Variants in TNFRSF8 observed in about 807,000 individuals in gnomAD.
The protein encoded by TNFRSF8 is TNF receptor superfamily member 8.
A neutral mutation model predicts 70.8 loss-of-function variants in TNFRSF8; 26 were observed. The ratio of observed to expected loss-of-function variants is 0.37; its 90% confidence interval spans 0.27 to 0.51. The LOEUF (loss-of-function observed/expected upper bound fraction) is 0.51. Ranked by LOEUF, TNFRSF8 falls within the 20% of genes least tolerant of loss-of-function variation. TNFRSF8 has a pLI of 0.94. For missense variants in TNFRSF8, 720 were observed against 807.9 expected, an observed-to-expected ratio of 0.89 and a Z score of 1.32; for synonymous variants, 356 against 339.2, an observed-to-expected ratio of 1.05 and a Z score of -0.54.
Position 12,138,319 on chromosome 1 carries a change from G to A in TNFRSF8, c.1426G>A (p.Gly476Arg). The A allele has an allele frequency of 1.2e-6, 2 of 1,613,762 alleles. No homozygotes were observed. Among genetic ancestry groups the A allele is most frequent in the East Asian group, 2.2e-5 (1 of 44,862 alleles). ...ACTGATGGAGACCTGCCACAGCGTG[G>A]GGGCAGCCTACCTGGAGAGCCTGCC... ...QPLMETCHSVGAAYLESLPLQ... is the reference protein window; with the variant it reads ...QPLMETCHSVRAAYLESLPLQ... Residue 476 changes from glycine (G) to arginine (R), a missense_variant, in exon 14 of 15, where the codon GGG (glycine) becomes AGG (arginine). Gly to Arg is a moderately radical substitution (Grantham distance 125). Coordinates refer to ENST00000263932, the MANE Select transcript of TNFRSF8 (RefSeq NM_001243.5). The surrounding 1 kb of genome is among the most constrained non-coding windows in gnomAD (Gnocchi z 5.7).
In TNFRSF8 at chr1:12,082,549, CA is replaced by C. The variant is rs34818321; in HGVS notation, c.64-1901del. ...TGGGCAACAGAGTGAGACCCTGTCT[CA>C]AAAAAAAAAAAAACAAAAACAAAAC... On this transcript the variant is annotated intron_variant, in intron 1 of 14. Coordinates refer to ENST00000263932, the MANE Select transcript of TNFRSF8 (RefSeq NM_001243.5). Among the ~76,000 whole-genome samples the C allele has an allele frequency of 3.1e-3, 375 of 121,246 alleles. 2 individuals are homozygous for C. The highest frequency in any genetic ancestry group is 8.3e-3 in the African/African-American group (274 of 33,050). 79.5% of individuals were successfully genotyped at this position (121,246 alleles called of 152,430 possible).
chr1:12,077,209 C>A (rs1640981124), intron 1 of TNFRSF8, among the ~76,000 whole-genome samples: 1 of 152,208 alleles, frequency 6.6e-6, no homozygotes. Context: ...TAAGTGCGAG[C>A]CACTTCGCCT....
rs555002417 is a variant in TNFRSF8, at chr1:12,068,276, C to A, written c.63+4615C>A. Among the ~76,000 whole-genome samples, 3 of 152,312 alleles carry A rather than the reference C, an allele frequency of 2.0e-5. No individual in the cohort carries two copies. In the South Asian group the frequency reaches 6.2e-4, roughly 32 times the overall value. On this transcript the variant is annotated intron_variant, in intron 1 of 14. Coordinates refer to ENST00000263932, the MANE Select transcript of TNFRSF8 (RefSeq NM_001243.5). ...GGCAATGACAGTAGATCAGCCCAGC[C>A]TGGGCCAGCTTGTCCAGCCGGTGCA... is the stretch of plus-strand genomic sequence containing the variant.
intron 2 of TNFRSF8, among the ~76,000 whole-genome samples, chr1:12,087,356 T>C (rs1408326842): frequency 6.6e-6 from 1 of 151,860 alleles, no homozygotes; most frequent in Non-Finnish European, 1.5e-5. Context: ...TTAGTAGAGA[T>C]GGGGTTTCAC....
intron 2 of TNFRSF8, among the ~76,000 whole-genome samples, 188 bp from the exon 3 acceptor site, chr1:12,096,913 G>A (rs191495289): frequency 5.9e-5 from 9 of 152,346 alleles, no homozygotes; most frequent in Admixed American, 2.6e-4. Context: ...CCTGCTAGGG[G>A]ACCTTAGGCG....
intron 3 of TNFRSF8, among the ~76,000 whole-genome samples, 192 bp from the exon 4 acceptor site, chr1:12,104,187 A>AT (rs1351111389): frequency 3.3e-5 from 5 of 151,194 alleles, no homozygotes; most frequent in South Asian, 2.1e-4. Flanking sequence ...TCTTTTTTTT[A>AT]TTTTTTTGCA....
intron 6 of TNFRSF8, among the ~76,000 whole-genome samples, chr1:12,111,221 G>A (rs1180723329): frequency 2.0e-5 from 3 of 151,820 alleles, no homozygotes; most frequent in African/African-American, 7.3e-5. Context: ...TTGCTCTGTC[G>A]CCCAGACTGG....
chr1:12,063,974 G>A lies in TNFRSF8; in HGVS notation c.63+313G>A, dbSNP rs1159784171. ...CTTTAGCCCGCCTACCTGCGGGCCCGTCGGGGTCCTGGGCAGATCAGGTGA... is the reference window on the plus strand; with the variant it reads ...CTTTAGCCCGCCTACCTGCGGGCCCATCGGGGTCCTGGGCAGATCAGGTGA... On this transcript the variant is annotated intron_variant, in intron 1 of 14. Coordinates refer to ENST00000263932, the MANE Select transcript of TNFRSF8 (RefSeq NM_001243.5). This position sits in a 1 kb window ranked among gnomAD's most constrained non-coding sequence, Gnocchi z 7.2. Among the ~76,000 whole-genome samples, 2 of 152,214 alleles carry A rather than the reference G, an allele frequency of 1.3e-5. No homozygotes were observed.
In TNFRSF8 at chr1:12,112,260, A is replaced by G. The variant is rs148199612; in HGVS notation, c.793+246A>G. Among the ~76,000 whole-genome samples the G allele has an allele frequency of 1.4e-3, 211 of 152,216 alleles. 1 individual carries two copies. Among genetic ancestry groups the G allele is most frequent in the African/African-American group, 4.8e-3 (198 of 41,524 alleles). Reference sequence around the variant, plus strand: ...AGCATTGTGATCATTCCCCTTTTACAGAGGAGGAAACGGAGGCTTTGGGAA... The same window carrying G: ...AGCATTGTGATCATTCCCCTTTTACGGAGGAGGAAACGGAGGCTTTGGGAA... On this transcript the variant is annotated intron_variant, in intron 7 of 14. Transcript: ENST00000263932. The surrounding 1 kb of genome is among the most constrained non-coding windows in gnomAD (Gnocchi z 5.3).
intron 1 of TNFRSF8, among the ~76,000 whole-genome samples, chr1:12,076,389 C>T (rs766526765): frequency 8.5e-5 from 13 of 152,110 alleles, no homozygotes; most frequent in Non-Finnish European, 1.5e-4. Context: ...CGTGAGCTAC[C>T]GTGCCCGGCC....
intron 12 of TNFRSF8, among the ~76,000 whole-genome samples, chr1:12,131,290 A>G (rs928344697): frequency 3.3e-5 from 5 of 152,026 alleles, no homozygotes; most frequent in African/African-American, 9.7e-5. Context: ...TCTCTACTAA[A>G]AATAAAAAAA....
intron 8 of TNFRSF8, among the ~76,000 whole-genome samples, chr1:12,116,779 A>G (rs1392711522): frequency 1.3e-5 from 2 of 152,058 alleles, no homozygotes; most frequent in Non-Finnish European, 1.5e-5. Context: ...CAGCCTGGGC[A>G]ACAGGGCGAA....
intron 2 of TNFRSF8, among the ~76,000 whole-genome samples, chr1:12,085,203 C>T (rs551375749): frequency 3.2e-4 from 49 of 152,216 alleles, no homozygotes; most frequent in South Asian, 1.7e-3. Flanking sequence ...CTCCACCTCC[C>T]GGGTTCAAGC....
In TNFRSF8 at chr1:12,088,026, T is replaced by C. The variant is rs1641185105; in HGVS notation, c.151+3475T>C. Among the ~76,000 whole-genome samples, 1 of 152,164 alleles carries C rather than the reference T, an allele frequency of 6.6e-6. No individual in the cohort carries two copies. Among genetic ancestry groups the C allele is most frequent in the Non-Finnish European group, 1.5e-5 (1 of 68,022 alleles). ...TTCTTTGATCTCTCGGGGAAATTTC[T>C]TGACATTTTGCCTGCCCTGTGCAGC... On this transcript the variant is annotated intron_variant, in intron 2 of 14. Coordinates refer to ENST00000263932, the MANE Select transcript of TNFRSF8 (RefSeq NM_001243.5). This position sits in a 1 kb window ranked among gnomAD's most constrained non-coding sequence, Gnocchi z 4.0.
At chr1:12,121,279 G>C (rs1376883816) in intron 8 of TNFRSF8, among the ~76,000 whole-genome samples, 2 of 152,338 alleles carry the variant, frequency 1.3e-5, no homozygotes, top group East Asian at 3.9e-4. Context: ...ACCCTACAAT[G>C]CAAGAAATAA....
At chr1:12,085,035 C>T (rs1286926830) in intron 2 of TNFRSF8, among the ~76,000 whole-genome samples, 1 of 152,220 alleles carries the variant, frequency 6.6e-6, no homozygotes, top group African/African-American at 2.4e-5. Flanking sequence ...AAAGCCTGGG[C>T]TGTCAACATC....
intron 1 of TNFRSF8, among the ~76,000 whole-genome samples, chr1:12,081,247 T>C (rs1192368829): frequency 6.6e-6 from 1 of 152,098 alleles, no homozygotes; most frequent in East Asian, 1.9e-4. Context: ...CCTGGGCCCA[T>C]GGTCCCCATA....
intron 12 of TNFRSF8, among the ~76,000 whole-genome samples, chr1:12,133,942 A>G (rs980260942): frequency 6.6e-6 from 1 of 152,184 alleles, no homozygotes; most frequent in African/African-American, 2.4e-5. Context: ...AATCCCAGCT[A>G]CTTGTGAGAA....
chr1:12,102,756 C>G (rs1214746886), intron 3 of TNFRSF8, among the ~76,000 whole-genome samples: 1 of 152,110 alleles, frequency 6.6e-6, no homozygotes, highest in Non-Finnish European at 1.5e-5. Context: ...AAACTCCTGA[C>G]CTCAGGTGAT....
Sources: allele counts gnomAD v4.1 joint callset (sites outside exome capture counted in the v4.1 genomes callset), GRCh38; gene constraint gnomAD v4.1.1; non-coding constraint Gnocchi (gnomAD v3.1); transcripts MANE v1.5; gene names NCBI Gene and HGNC (gene_info 2026-07-23, HGNC 2026-07-21).